Variants in CNTNAP4 observed in about 807,000 individuals in gnomAD.
CNTNAP4 encodes the protein contactin associated protein family member 4.
A neutral mutation model predicts 148.4 loss-of-function variants in CNTNAP4; 98 were observed. That is an observed-to-expected ratio of 0.66 (90% confidence interval 0.56 to 0.78). The LOEUF (loss-of-function observed/expected upper bound fraction) is 0.78, where lower values mean the gene tolerates loss of function less well. CNTNAP4 is among the 30% of genes least tolerant of loss of function. The pLI is 0.00. For missense variants in CNTNAP4, 1,935 were observed against 1,565.6 expected, an observed-to-expected ratio of 1.24 and a Z score of -3.98; for synonymous variants, 730 against 565.1, an observed-to-expected ratio of 1.29 and a Z score of -4.14.
At chr16:76,420,006 T>C (rs913356176) in intron 3 of CNTNAP4, among the ~76,000 whole-genome samples, 1 of 151,978 alleles carries the variant, frequency 6.6e-6, no homozygotes, top group South Asian at 2.1e-4. Flanking sequence ...GGCTTCAACA[T>C]AGAATTTTGA....
At chr16:76,528,864 C>T (rs1452672179) in intron 17 of CNTNAP4, among the ~76,000 whole-genome samples, 1 of 152,154 alleles carries the variant, frequency 6.6e-6, no homozygotes, top group Admixed American at 6.5e-5. Flanking sequence ...ATGCAGCTAG[C>T]ATTAGCCTAC....
chr16:76,433,527 C>A (rs747880544), intron 4 of CNTNAP4, among the ~76,000 whole-genome samples: 2 of 151,996 alleles, frequency 1.3e-5, no homozygotes, highest in South Asian at 4.1e-4. Context: ...TTATAACCAT[C>A]AGCAGATTTA....
chr16:76,347,217 G>A (rs1286742129), intron 2 of CNTNAP4, among the ~76,000 whole-genome samples: 2 of 151,756 alleles, frequency 1.3e-5, no homozygotes, highest in Admixed American at 6.6e-5. Context: ...AAAAAATACC[G>A]TGCATCAAAG....
intron 3 of CNTNAP4, among the ~76,000 whole-genome samples, chr16:76,411,229 T>G (rs1343629832): frequency 1.3e-5 from 2 of 151,396 alleles, no homozygotes; most frequent in Non-Finnish European, 3.0e-5. Flanking sequence ...TGCTTAGAAA[T>G]GTTGGTTGAT....
intron 3 of CNTNAP4, among the ~76,000 whole-genome samples, chr16:76,408,351 C>CTTAACAATTAACAGTTGTTAAGCTA (rs2078674739): frequency 6.7e-6 from 1 of 148,292 alleles, no homozygotes; most frequent in African/African-American, 2.6e-5. Flanking sequence ...TAAGCTATTG[C>CTTAACAATTAACAGTTGTTAAGCTA]TTAACAATTA....
chr16:76,290,613 G>T (rs1309816642), intron 1 of CNTNAP4, among the ~76,000 whole-genome samples: 1 of 152,112 alleles, frequency 6.6e-6, no homozygotes, highest in Non-Finnish European at 1.5e-5. Flanking sequence ...AAGGGTAAGT[G>T]GTTGAAACAG....
Position 76,536,953 on chromosome 16 carries a change from C to T in CNTNAP4, c.2996-1163C>T, listed in dbSNP as rs964743910. ...GGCTCCAGATTAAAACAACTCCTGA[C>T]TTACAAAGAAAGCATGGGATGAGTT... On this transcript the variant is annotated intron_variant, in intron 18 of 23. Coordinates refer to ENST00000611870, the MANE Select transcript of CNTNAP4 (RefSeq NM_033401.5). Among the ~76,000 whole-genome samples the T allele has an allele frequency of 6.6e-5, 10 of 152,292 alleles. No homozygotes were observed. The East Asian group carries it at 1.2e-3, about 18-fold the overall frequency.
At chr16:76,476,509 T>C (rs1007080201) in intron 11 of CNTNAP4, among the ~76,000 whole-genome samples, 1 of 152,184 alleles carries the variant, frequency 6.6e-6, no homozygotes, top group Non-Finnish European at 1.5e-5. Flanking sequence ...CTAGATGCCA[T>C]AGTCTGTTTG....
intron 2 of CNTNAP4, among the ~76,000 whole-genome samples, chr16:76,329,676 C>T (rs946123000): frequency 1.1e-4 from 17 of 151,982 alleles, no homozygotes; most frequent in African/African-American, 3.4e-4. Context: ...ATTTAAGTGA[C>T]GTAAGGATTA....
At chr16:76,445,437 T>C (rs1284693796) in intron 4 of CNTNAP4, among the ~76,000 whole-genome samples, 2 of 152,188 alleles carry the variant, frequency 1.3e-5, no homozygotes, top group East Asian at 3.9e-4. Flanking sequence ...TCAAACGTGA[T>C]GGGTCAAATA....
chr16:76,529,495 A>T (rs1484602356), intron 17 of CNTNAP4, among the ~76,000 whole-genome samples: 30 of 152,174 alleles, frequency 2.0e-4, no homozygotes, highest in Non-Finnish European at 1.5e-5. Context: ...GACAGTGGTC[A>T]TTTTCTATTT....
intron 15 of CNTNAP4, among the ~76,000 whole-genome samples, chr16:76,501,003 G>A (rs1274934057): frequency 6.6e-6 from 1 of 152,182 alleles, no homozygotes; most frequent in Admixed American, 6.5e-5. Context: ...GAGGGAATCT[G>A]ATAATTCAGT....
At chr16:76,313,407 A>C (rs1013042926) in intron 1 of CNTNAP4, among the ~76,000 whole-genome samples, 2 of 152,158 alleles carry the variant, frequency 1.3e-5, no homozygotes, top group African/African-American at 4.8e-5. Context: ...CCATATACAT[A>C]ATGCACTCTC....
At chr16:76,308,614 A>T (rs1960755401) in intron 1 of CNTNAP4, among the ~76,000 whole-genome samples, 1 of 152,174 alleles carries the variant, frequency 6.6e-6, no homozygotes, top group Non-Finnish European at 1.5e-5. Flanking sequence ...TTATGAAAGG[A>T]ACAATGCTCA....
At chr16:76,499,090 CAG>C (rs2082525486) in intron 15 of CNTNAP4, among the ~76,000 whole-genome samples, 2 of 133,610 alleles carry the variant, frequency 1.5e-5, no homozygotes, top group South Asian at 2.3e-4. Flanking sequence ...TTTTTTGAGA[CAG>C]AGTCTCGCTC....
chr16:76,391,919 G>C (rs1040751691), intron 3 of CNTNAP4, among the ~76,000 whole-genome samples: 1 of 152,146 alleles, frequency 6.6e-6, no homozygotes, highest in Admixed American at 6.5e-5. Context: ...ACAGGACTTA[G>C]CTTGTATTTT....
At chr16:76,374,424 T>A (rs1337178285) in intron 3 of CNTNAP4, among the ~76,000 whole-genome samples, 1 of 152,172 alleles carries the variant, frequency 6.6e-6, no homozygotes, top group Non-Finnish European at 1.5e-5. Context: ...AATTAATATA[T>A]CACTTTGAAA....
intron 3 of CNTNAP4, among the ~76,000 whole-genome samples, chr16:76,416,981 T>G (rs1249678499): frequency 6.6e-6 from 1 of 151,504 alleles, no homozygotes; most frequent in African/African-American, 2.4e-5. Flanking sequence ...CCAAGTAATC[T>G]TCCTTGTTCT....
intron 5 of CNTNAP4, 116 bp downstream of exon 5, chr16:76,448,331 G>A: frequency 2.9e-6 from 2 of 699,272 alleles, no homozygotes; most frequent in Non-Finnish European, 4.8e-6. Context: ...CAGATTCAAG[G>A]GCTTGTACAT....
Sources: allele counts gnomAD v4.1 joint callset (sites outside exome capture counted in the v4.1 genomes callset), GRCh38; gene constraint gnomAD v4.1.1; transcripts MANE v1.5; gene names NCBI Gene and HGNC (gene_info 2026-07-23, HGNC 2026-07-21).